Variants in PLCL1 observed in about 807,000 individuals in gnomAD.
PLCL1 encodes inactive phospholipase C-like protein 1.
A neutral mutation model predicts 84.4 loss-of-function variants in PLCL1; 41 were observed. The ratio of observed to expected loss-of-function variants is 0.49; its 90% CI spans 0.38 to 0.63. PLCL1 has a LOEUF of 0.63. PLCL1 is among the 30% of genes least tolerant of loss of function. The probability of loss-of-function intolerance (pLI) is 0.00; values close to 1 mark genes in which losing one functional copy is unlikely to be tolerated. For missense variants in PLCL1, 1,206 were observed against 1,367.8 expected, an observed-to-expected ratio of 0.88 and a Z score of 1.87; for synonymous variants, 490 against 488.3, an observed-to-expected ratio of 1.00 and a Z score of -0.05.
At chr2:198,025,812 G>A (rs1691250413) in intron 1 of PLCL1, among the ~76,000 whole-genome samples, 1 of 152,136 alleles carries the variant, frequency 6.6e-6, no homozygotes, top group Non-Finnish European at 1.5e-5. Context: ...TGTTTGGAGA[G>A]TGATAACAAT....
intron 1 of PLCL1, among the ~76,000 whole-genome samples, chr2:198,048,880 G>A (rs1002311941): frequency 1.3e-5 from 2 of 152,218 alleles, no homozygotes; most frequent in Non-Finnish European, 2.9e-5. Context: ...TATGAATTTT[G>A]GGGAGCATAA....
At chr2:198,055,229 T>TA (rs1292236682) in intron 1 of PLCL1, among the ~76,000 whole-genome samples, 3 of 151,004 alleles carry the variant, frequency 2.0e-5, no homozygotes, top group Non-Finnish European at 4.4e-5. Context: ...GAAAAATGCA[T>TA]AAACCAATTG....
chr2:197,953,426 TA>T (rs1689426401), intron 1 of PLCL1, among the ~76,000 whole-genome samples: 1 of 152,030 alleles, frequency 6.6e-6, no homozygotes, highest in African/African-American at 2.4e-5. Context: ...TGACTTAACC[TA>T]GCTGTGGAAG....
At chr2:198,050,075 G>C (rs1273859115) in intron 1 of PLCL1, among the ~76,000 whole-genome samples, 1 of 152,170 alleles carries the variant, frequency 6.6e-6, no homozygotes, top group African/African-American at 2.4e-5. Flanking sequence ...TGGTTGAAGA[G>C]GGCAACGAGG....
chr2:198,102,734 A>G (rs914333561), intron 4 of PLCL1, among the ~76,000 whole-genome samples: 3 of 152,108 alleles, frequency 2.0e-5, no homozygotes, highest in African/African-American at 7.2e-5. Context: ...ATCTTTCTTC[A>G]AATATCTAAA....
At chr2:197,808,349 C>T (rs1690521712) in intron 1 of PLCL1, among the ~76,000 whole-genome samples, 1 of 152,120 alleles carries the variant, frequency 6.6e-6, no homozygotes, top group Admixed American at 6.5e-5. Flanking sequence ...GTTTACTATT[C>T]TGCATTTGAA....
chr2:197,923,616 C>T (rs1345373425), intron 1 of PLCL1, among the ~76,000 whole-genome samples: 13 of 148,422 alleles, frequency 8.8e-5, no homozygotes, highest in East Asian at 4.1e-4. Context: ...TGGGAAGAGG[C>T]GCTCCTCACT....
chr2:197,927,877 G>A (rs1014337872), intron 1 of PLCL1, among the ~76,000 whole-genome samples: 2 of 152,100 alleles, frequency 1.3e-5, no homozygotes, highest in African/African-American at 2.4e-5. Flanking sequence ...CATTAGTGAC[G>A]TTATGGCCAG....
chr2:197,927,025 A>G (rs183123167), intron 1 of PLCL1, among the ~76,000 whole-genome samples: 97 of 152,316 alleles, frequency 6.4e-4, no homozygotes, highest in African/African-American at 2.2e-3. Flanking sequence ...TTGTCATCAC[A>G]TGTGGCAGCT....
At chr2:198,045,172 T>C (rs1385517306) in intron 1 of PLCL1, among the ~76,000 whole-genome samples, 1 of 152,238 alleles carries the variant, frequency 6.6e-6, no homozygotes, top group African/African-American at 2.4e-5. Flanking sequence ...ATCATTTATT[T>C]ATATCCCAAA....
chr2:197,818,519 C>A (rs930548801), intron 1 of PLCL1, among the ~76,000 whole-genome samples: 3 of 152,046 alleles, frequency 2.0e-5, no homozygotes, highest in African/African-American at 7.2e-5. Flanking sequence ...TGAGAAAGGA[C>A]TCAAGTGATG....
chr2:197,873,909 T>C (rs897907169), intron 1 of PLCL1, among the ~76,000 whole-genome samples: 16 of 152,180 alleles, frequency 1.1e-4, no homozygotes, highest in African/African-American at 3.6e-4. Context: ...CCCAGTGTAG[T>C]TCATTTCATC....
intron 1 of PLCL1, among the ~76,000 whole-genome samples, chr2:197,930,923 G>A (rs1022029175): frequency 5.9e-5 from 9 of 152,158 alleles, no homozygotes; most frequent in Non-Finnish European, 2.9e-5. Context: ...AAGATAGGCT[G>A]CTAAAAGTGG....
chr2:197,838,647 GA>G (rs1233542777), intron 1 of PLCL1, among the ~76,000 whole-genome samples: 2 of 152,134 alleles, frequency 1.3e-5, no homozygotes, highest in African/African-American at 2.4e-5. Context: ...CTAATCAAAG[GA>G]AATATAAACA....
chr2:198,103,799 A>G, intron 4 of PLCL1, 28 bp from the exon 5 acceptor site: 1 of 1,204,532 alleles, frequency 8.3e-7, no homozygotes, highest in Non-Finnish European at 1.2e-6. Flanking sequence ...ATATATACTC[A>G]GATTTCTTAT....
At chr2:197,999,111 A>G (rs1025182573) in intron 1 of PLCL1, among the ~76,000 whole-genome samples, 4 of 152,190 alleles carry the variant, frequency 2.6e-5, no homozygotes, top group African/African-American at 7.2e-5. Context: ...ATCTTTCTCT[A>G]TTCAGCTATT....
chr2:197,963,464 T>TC (rs1689664650), intron 1 of PLCL1, among the ~76,000 whole-genome samples: 1 of 152,094 alleles, frequency 6.6e-6, no homozygotes, highest in African/African-American at 2.4e-5. Flanking sequence ...TTGTTTGAGC[T>TC]CTTACATACT....
At chr2:198,083,008 G>C (rs150314485) in intron 1 of PLCL1, among the ~76,000 whole-genome samples, 15 of 152,328 alleles carry the variant, frequency 9.8e-5, no homozygotes, top group African/African-American at 3.6e-4. Flanking sequence ...AGTGTTCCCT[G>C]TAAATCTTCT....
rs779884429 is a variant in PLCL1, at chr2:198,084,110, A to G, written c.593A>G (p.Tyr198Cys). 9 of 1,614,036 alleles carry G rather than the reference A, an allele frequency of 5.6e-6. No individual in the cohort carries two copies. The highest frequency in any genetic ancestry group is 7.6e-6 in the Non-Finnish European group (9 of 1,180,012). ...CAFSILHGEN[Y>C]ESLDLVANSA... ...TTTTCCATACTCCACGGGGAAAACT[A>G]TGAGTCTCTGGACCTAGTTGCCAAT... The change falls in exon 2 of 6, where the codon TAT (tyrosine) becomes TGT (cysteine). Residue 198 changes from tyrosine to cysteine, a missense_variant. Physicochemically the swap from Tyr to Cys is radical, Grantham distance 194 (BLOSUM62 -2). Coordinates refer to ENST00000428675, the MANE Select transcript of PLCL1 (RefSeq NM_006226.4).
Sources: allele counts gnomAD v4.1 joint callset (sites outside exome capture counted in the v4.1 genomes callset), GRCh38; gene constraint gnomAD v4.1.1; transcripts MANE v1.5; gene names NCBI Gene and HGNC (gene_info 2026-07-23, HGNC 2026-07-21).